C16orf78: variants seen among roughly 807,000 people sequenced by gnomAD.
The protein encoded by C16orf78 is chromosome 16 open reading frame 78, also known as uncharacterized protein C16orf78.
C16orf78 carries 19 observed loss-of-function variants against 27.3 expected under a neutral mutation model. That is an observed-to-expected ratio of 0.70 (90% CI 0.49 to 1.02). The LOEUF is 1.02. Ranked by LOEUF, C16orf78 falls within the 50% of genes least tolerant of loss-of-function variation. C16orf78 has a pLI of 0.00. For missense variants in C16orf78, 339 were observed against 337.0 expected (o/e 1.01, Z -0.05); for synonymous variants, 130 against 116.1 (o/e 1.12, Z -0.77).
At chr16:49,377,250 G>T (rs1965230804) in intron 1 of C16orf78, among the ~76,000 whole-genome samples, 1 of 152,192 alleles carries the variant, frequency 6.6e-6, no homozygotes, top group South Asian at 2.1e-4. Context: ...ACTCCAGGAA[G>T]ACAGGATGGG....
rs536659252 is a variant in C16orf78 at position 49,380,485 on chromosome 16, G to A, written c.394+1892G>A. On this transcript the variant is annotated intron_variant, in intron 3 of 4. Transcript: ENST00000299191. Reference sequence around the variant, plus strand: ...TGGCTCCAAAATCCTGGTCCTGTTGGGCCCTGGAGCTTCTGTAAATCTTGC... The same window carrying A: ...TGGCTCCAAAATCCTGGTCCTGTTGAGCCCTGGAGCTTCTGTAAATCTTGC... Among the ~76,000 whole-genome samples the A allele has an allele frequency of 1.3e-4, 20 of 152,178 alleles. No homozygotes were observed. The South Asian group carries it at 4.0e-3, about 30-fold the overall frequency.
intron 3 of C16orf78, 58 bp from the exon 4 acceptor site, chr16:49,396,365 A>C (rs1436875090): frequency 1.3e-6 from 2 of 1,582,882 alleles, no homozygotes; most frequent in African/African-American, 2.7e-5. Flanking sequence ...CTTCCTGCCT[A>C]CCCCACCTCT....
At chr16:49,380,541 T>C (rs1248202637) in intron 3 of C16orf78, among the ~76,000 whole-genome samples, 2 of 152,178 alleles carry the variant, frequency 1.3e-5, no homozygotes, top group Admixed American at 1.3e-4. Flanking sequence ...TCTCTTTGAT[T>C]TCTCCTGAAA....
At chr16:49,382,482 A>C (rs1965298684) in intron 3 of C16orf78, among the ~76,000 whole-genome samples, 1 of 152,154 alleles carries the variant, frequency 6.6e-6, no homozygotes, top group Admixed American at 6.5e-5. Context: ...ATTATACAGC[A>C]AACAAATTAG....
chr16:49,390,946 A>G (rs1020949756), intron 3 of C16orf78, among the ~76,000 whole-genome samples: 2 of 152,064 alleles, frequency 1.3e-5, no homozygotes, highest in Non-Finnish European at 2.9e-5. Flanking sequence ...CCCCTCACTC[A>G]AGGATCACTT....
In C16orf78 at chr16:49,396,424, T is replaced by C; in HGVS notation, c.396T>C (p.Asp132=). The C allele has an allele frequency of 1.2e-6, 2 of 1,613,948 alleles. No individual in the cohort carries two copies. Among genetic ancestry groups the C allele is most frequent in the Non-Finnish European group, 1.7e-6 (2 of 1,179,930 alleles). The change falls in exon 4 of 5, where the codon GAT becomes GAC. Residue 132 remains aspartate, a splice_region_variant and synonymous_variant. Coordinates refer to ENST00000299191, the MANE Select transcript of C16orf78 (RefSeq NM_144602.4). ...TTGATGGCATCTGTCCAATTTCAGA[T>C]ACAGACATCAAGGATGCAGTCGACC... The part of the protein sequence containing the change: ...SYIKDGPKKS[D]TDIKDAVDPE...
At chr16:49,385,493 C>T (rs1340564314) in intron 3 of C16orf78, among the ~76,000 whole-genome samples, 2 of 152,118 alleles carry the variant, frequency 1.3e-5, no homozygotes, top group African/African-American at 4.8e-5. Context: ...GAAACCTCGT[C>T]TCTACTAATA....
At chr16:49,392,019 C>T (rs1438915992) in intron 3 of C16orf78, among the ~76,000 whole-genome samples, 4 of 152,184 alleles carry the variant, frequency 2.6e-5, no homozygotes, top group Non-Finnish European at 5.9e-5. Context: ...CTCATTGTGA[C>T]ACCTTGGGCA....
At chr16:49,379,031 C>A (rs188784756) in intron 3 of C16orf78, among the ~76,000 whole-genome samples, 3 of 152,256 alleles carry the variant, frequency 2.0e-5, no homozygotes, top group East Asian at 3.9e-4. Flanking sequence ...TTAGGCTGTG[C>A]CAGATCCCCA....
At chr16:49,376,913 C>T (rs1185492143) in intron 1 of C16orf78, among the ~76,000 whole-genome samples, 1 of 152,064 alleles carries the variant, frequency 6.6e-6, no homozygotes, top group Admixed American at 6.5e-5. Context: ...GCCACCGTCT[C>T]CCTGTAACCA....
intron 3 of C16orf78, among the ~76,000 whole-genome samples, chr16:49,391,989 A>G (rs1434590533): frequency 1.3e-5 from 2 of 152,192 alleles, no homozygotes; most frequent in African/African-American, 2.4e-5. Context: ...TACCATAAAG[A>G]GTCCTAATTC....
At chr16:49,398,990 C>T in intron 4 of C16orf78, 141 bp from the exon 5 acceptor site, 1 of 892,510 alleles carries the variant, frequency 1.1e-6, no homozygotes, top group South Asian at 1.7e-5. Flanking sequence ...AGGTCTCTAT[C>T]AGCTCCATGG....
intron 3 of C16orf78, among the ~76,000 whole-genome samples, chr16:49,382,071 A>T (rs1255471985): frequency 6.6e-6 from 1 of 152,244 alleles, no homozygotes; most frequent in African/African-American, 2.4e-5. Context: ...ACACAATGGA[A>T]TACTATGCAG....
intron 1 of C16orf78, among the ~76,000 whole-genome samples, chr16:49,377,094 G>T (rs1420426380): frequency 6.6e-6 from 1 of 152,184 alleles, no homozygotes; most frequent in Non-Finnish European, 1.5e-5. Context: ...TAATGACCCT[G>T]CCCTCCCTGC....
intron 3 of C16orf78, among the ~76,000 whole-genome samples, chr16:49,388,719 A>T (rs1165301367): frequency 6.6e-6 from 1 of 152,120 alleles, no homozygotes; most frequent in African/African-American, 2.4e-5. Context: ...TTGACATGTT[A>T]TCCAGGCTGG....
At chr16:49,398,524 C>T (rs1007942046) in intron 4 of C16orf78, among the ~76,000 whole-genome samples, 6 of 152,226 alleles carry the variant, frequency 3.9e-5, no homozygotes, top group African/African-American at 7.2e-5. Context: ...TGCAACATTG[C>T]TCAGCGATTA....
intron 3 of C16orf78, among the ~76,000 whole-genome samples, chr16:49,387,292 T>A (rs1366067203): frequency 2.0e-5 from 3 of 151,942 alleles, no homozygotes; most frequent in Admixed American, 2.0e-4. Context: ...CCCACTTTTG[T>A]TGTTGTTGTT....
chr16:49,390,607 TG>T (rs1965400765), intron 3 of C16orf78, among the ~76,000 whole-genome samples: 1 of 152,254 alleles, frequency 6.6e-6, no homozygotes, highest in South Asian at 2.1e-4. Flanking sequence ...AATGTGACCC[TG>T]CCTTGGAGGG....
chr16:49,374,015 A>G lies in C16orf78; in HGVS notation c.76A>G (p.Arg26Gly). The G allele has an allele frequency of 6.2e-7, 1 of 1,614,194 alleles. No individual in the cohort carries two copies. Among genetic ancestry groups the G allele is most frequent in the Non-Finnish European group, 8.5e-7 (1 of 1,180,032 alleles). ...RKYMWKTAED[R>G]RMSDLTCVLE... is the part of the protein sequence containing the mutation. Reference sequence around the variant, plus strand: ...ATACATGTGGAAGACTGCTGAAGATAGGCGCATGTCTGACCTCACCTGTGT... The same window carrying G: ...ATACATGTGGAAGACTGCTGAAGATGGGCGCATGTCTGACCTCACCTGTGT... Residue 26 changes from arginine (R) to glycine (G), a missense_variant, in exon 1 of 5, where the codon AGG becomes GGG. Arg to Gly is a moderately radical substitution (Grantham distance 125). Coordinates refer to ENST00000299191, the MANE Select transcript of C16orf78 (RefSeq NM_144602.4).
Sources: allele counts gnomAD v4.1 joint callset (sites outside exome capture counted in the v4.1 genomes callset), GRCh38; gene constraint gnomAD v4.1.1; transcripts MANE v1.5; gene names NCBI Gene and HGNC (gene_info 2026-07-23, HGNC 2026-07-21).